The following C4orf50 variants were observed in gnomAD, a reference collection of about 807,000 sequenced individuals.
C4orf50 encodes the protein chromosome 4 open reading frame 50.
A neutral mutation model predicts 77.2 loss-of-function variants in C4orf50; 80 were observed. The ratio of observed to expected loss-of-function variants is 1.04; its 90% CI spans 0.87 to 1.25. C4orf50 has a LOEUF of 1.25. Among genes scored for constraint, C4orf50 ranks in the 50% most tolerant of loss-of-function variants. C4orf50 has a pLI of 0.00. For synonymous variants in C4orf50, 532 were observed against 465.3 expected, an observed-to-expected ratio of 1.14 and a Z score of -1.84; for missense variants, 1,257 against 1,152.9, an observed-to-expected ratio of 1.09 and a Z score of -1.31.
Position 5,965,434 on chromosome 4 carries a change from G to A in C4orf50, c.4154-289C>T, listed in dbSNP as rs538865762. Among the ~76,000 whole-genome samples, 14 of 152,360 alleles carry A rather than the reference G, an allele frequency of 9.2e-5. No homozygotes were observed. In the South Asian group the frequency reaches 1.9e-3, roughly 20 times the overall value. ...AAGCTCATTCCATGCAGGGACCACT[G>A]CCTTTGCAAGCCGGCTTAGCTTCGT... On this transcript the variant is annotated intron_variant, in intron 32 of 33. Transcript: ENST00000531445.
chr4:6,014,291 C>T (rs1473374356), intron 23 of C4orf50, among the ~76,000 whole-genome samples: 1 of 152,076 alleles, frequency 6.6e-6, no homozygotes, highest in Admixed American at 6.5e-5. Flanking sequence ...CGCGAGCAAC[C>T]GGGCCGGCCT....
chr4:5,910,742 T>C (rs1391734899), intron 7 of C4orf50, among the ~76,000 whole-genome samples: 1 of 151,924 alleles, frequency 6.6e-6, no homozygotes, highest in African/African-American at 2.4e-5. Flanking sequence ...GCTTTTTTGG[T>C]GTTTGAGGGG....
intron 29 of C4orf50, 56 bp from the exon 8 acceptor site, chr4:5,976,011 A>T: frequency 6.9e-7 from 1 of 1,442,338 alleles, no homozygotes; most frequent in Admixed American, 1.7e-5. Context: ...CACTGTCCAG[A>T]GCTTCCCCAG....
In C4orf50 at chr4:5,932,554, G is replaced by A. The variant is rs867713362; in HGVS notation, c.*2474+24347C>T. Reference sequence around the variant, plus strand: ...AGGCTCAATTGATCCTCCCGCCTCAGCCTCCTGAGTAGCTGCAACTACAGG... The same window carrying A: ...AGGCTCAATTGATCCTCCCGCCTCAACCTCCTGAGTAGCTGCAACTACAGG... On this transcript the variant is annotated intron_variant, in intron 7 of 7. Coordinates refer to the C4orf50 transcript ENST00000324058. This position sits in a 1 kb window ranked among gnomAD's most constrained non-coding sequence, Gnocchi z 4.2. Among the ~76,000 whole-genome samples, 1 of 152,164 alleles carries A rather than the reference G, an allele frequency of 6.6e-6. No homozygotes were observed. Among genetic ancestry groups the A allele is most frequent in the Non-Finnish European group, 1.5e-5 (1 of 68,030 alleles).
In C4orf50 at chr4:5,970,413, C is replaced by T. The variant is rs1251759878; in HGVS notation, c.4105-2951G>A. On this transcript the variant is annotated intron_variant, in intron 31 of 33. Coordinates refer to ENST00000531445, the Ensembl canonical transcript of C4orf50. This position sits in a 1 kb window ranked among gnomAD's most constrained non-coding sequence, Gnocchi z 4.3. ...ATGCCAGGCTGACCTCGTGGGATTT[C>T]CCCATCCCCAAAACAGGCACCTGAG... Among the ~76,000 whole-genome samples the T allele has an allele frequency of 6.6e-6, 1 of 152,164 alleles. No individual in the cohort carries two copies. The highest frequency in any genetic ancestry group is 2.4e-5 in the African/African-American group (1 of 41,442).
chr4:6,002,496 C>T lies in C4orf50; in HGVS notation c.963+5500G>A, dbSNP rs144874006. ...TTTCCTCAAGGCCCAACCTGCAGCCCCGGGAATACCCCAGGTGATCTGGCC... is the reference window on the plus strand; with the variant it reads ...TTTCCTCAAGGCCCAACCTGCAGCCTCGGGAATACCCCAGGTGATCTGGCC... On this transcript the variant is annotated intron_variant, in intron 25 of 33. Transcript: ENST00000531445. Among the ~76,000 whole-genome samples the T allele has an allele frequency of 5.8e-4, 88 of 152,342 alleles. No individual in the cohort carries two copies. In the Middle Eastern group the frequency reaches 0.01, roughly 18 times the overall value.
intron 31 of C4orf50, 56 bp downstream of exon 9, chr4:5,973,603 G>A (rs1720057902): frequency 1.4e-6 from 2 of 1,429,348 alleles, no homozygotes; most frequent in Non-Finnish European, 1.9e-6. Context: ...GGGCATGCAA[G>A]GGACGCGCCC....
chr4:5,931,347 T>A (rs1242880415), intron 7 of C4orf50, among the ~76,000 whole-genome samples: 2 of 150,480 alleles, frequency 1.3e-5, no homozygotes. Context: ...AGGAGTGGTG[T>A]TGGTTTCCCA....
chr4:5,973,878 C>A, intron 30 of C4orf50, 37 bp from the exon 9 acceptor site: 2 of 1,535,174 alleles, frequency 1.3e-6, no homozygotes, highest in East Asian at 2.3e-5. Flanking sequence ...AGAGCTCCCA[C>A]CAGGGCTGCA....
chr4:5,946,701 G>A (rs936006468), intron 7 of C4orf50, among the ~76,000 whole-genome samples: 18 of 152,182 alleles, frequency 1.2e-4, no homozygotes, highest in African/African-American at 4.1e-4. Flanking sequence ...TTAGCCAATC[G>A]GGTTTCAGTT....
At chr4:5,997,793 T>C (rs1367601894) in intron 25 of C4orf50, among the ~76,000 whole-genome samples, 3 of 152,240 alleles carry the variant, frequency 2.0e-5, no homozygotes, top group African/African-American at 7.2e-5. Flanking sequence ...AAAATGTAAA[T>C]TTTTACTTTG....
intron 28 of C4orf50, among the ~76,000 whole-genome samples, chr4:5,984,530 A>G (rs1371012454): frequency 6.6e-6 from 1 of 152,230 alleles, no homozygotes; most frequent in Admixed American, 6.5e-5. Flanking sequence ...TCTCTTTTTA[A>G]AAGAATAAAA....
rs560124609 is a variant in C4orf50 at position 5,992,613 on chromosome 4, C to G, written c.1221+190G>C. 1.3e-5 allele frequency among the ~76,000 whole-genome samples: 2 copies of G among 152,106 alleles called. No homozygotes were observed. Among genetic ancestry groups the G allele is most frequent in the African/African-American group, 2.4e-5 (1 of 41,410 alleles). On this transcript the variant is annotated intron_variant, in intron 27 of 33. Transcript: ENST00000531445. The surrounding 1 kb of genome is among the most constrained non-coding windows in gnomAD (Gnocchi z 5.0). ...CAGTTAACCCCCTTCCTCCCCACCC[C>G]CCATCCAGGTCTCAGGATGTTTCAT...
At chr4:5,904,315 T>C (rs6446406) in intron 7 of C4orf50, 97,285 of 152,232 alleles carry the variant, frequency 0.64, 31,265 homozygotes, top group East Asian at 0.8. Context: ...AACTGGGCCG[T>C]GATGCTCTTT....
chr4:5,988,226 G>T (rs1720986015), intron 28 of C4orf50, 121 bp downstream of exon 6: 5 of 1,289,528 alleles, frequency 3.9e-6, no homozygotes, highest in Admixed American at 4.6e-5. Flanking sequence ...CTCTCATCTG[G>T]TAAGTGGGGA....
At chr4:5,963,568 T>C (rs969346804) in intron 33 of C4orf50, among the ~76,000 whole-genome samples, 6 of 152,250 alleles carry the variant, frequency 3.9e-5, no homozygotes, top group Non-Finnish European at 8.8e-5. Flanking sequence ...GTAGATATTA[T>C]TGTCTCTTTT....
At chr4:5,968,428 C>T (rs566031067) in intron 31 of C4orf50, among the ~76,000 whole-genome samples, 4 of 152,266 alleles carry the variant, frequency 2.6e-5, no homozygotes, top group South Asian at 4.1e-4. Context: ...TGGTAGTGAC[C>T]GGATCACACC....
At chr4:5,973,340 G>A (rs897668179) in intron 31 of C4orf50, among the ~76,000 whole-genome samples, 2 of 152,246 alleles carry the variant, frequency 1.3e-5, no homozygotes, top group Non-Finnish European at 2.9e-5. Flanking sequence ...CAGTGCACAG[G>A]TCCCGGCACA....
chr4:5,991,799 C>T (rs1310308659), intron 27 of C4orf50, among the ~76,000 whole-genome samples: 1 of 152,142 alleles, frequency 6.6e-6, no homozygotes, highest in East Asian at 1.9e-4. Context: ...AGCAGCAGAG[C>T]CCCCTCAGGC....
Sources: gnomAD v4.1 joint callset for allele counts (sites outside exome capture counted in the v4.1 genomes callset) on GRCh38, gnomAD v4.1.1 for gene constraint, Gnocchi (gnomAD v3.1) non-coding constraint, MANE v1.5 for transcripts, NCBI Gene and HGNC (gene_info 2026-07-23, HGNC 2026-07-21) for gene names.